ZMYND11: variants seen among roughly 807,000 people sequenced by gnomAD.
The protein encoded by ZMYND11 is zinc finger MYND domain-containing protein 11.
ZMYND11 carries 9 observed loss-of-function variants against 84.9 expected under a neutral mutation model. The observed-to-expected ratio is 0.11, with a 90% CI of 0.06 to 0.18. The LOEUF (loss-of-function observed/expected upper bound fraction) is 0.18, where lower values mean the gene tolerates loss of function less well. ZMYND11 is among the 10% of genes least tolerant of loss of function. ZMYND11 has a pLI of 1.00. For synonymous variants in ZMYND11, 250 were observed against 244.1 expected (o/e 1.02, Z -0.23); for missense variants, 409 against 761.0 (o/e 0.54, Z 5.44).
chr10:210,676 TTC>T (rs1234109143), intron 3 of ZMYND11, among the ~76,000 whole-genome samples: 6 of 152,230 alleles, frequency 3.9e-5, no homozygotes, highest in Non-Finnish European at 7.3e-5. Context: ...TTTAATCTGC[TTC>T]TCTTTCCTTT....
intron 1 of ZMYND11, among the ~76,000 whole-genome samples, chr10:144,015 A>AAC (rs1838098918): frequency 1.3e-5 from 2 of 151,734 alleles, no homozygotes; most frequent in Non-Finnish European, 1.5e-5. Context: ...ATTAAAAAAA[A>AAC]AAAAAACTGC....
rs76706904 is a variant in ZMYND11 at position 176,071 on chromosome 10, T to G, written c.-19-3923T>G. Among the ~76,000 whole-genome samples the G allele has an allele frequency of 5.8e-4, 89 of 152,336 alleles. 2 individuals are homozygous for G. The East Asian group carries it at 0.017, about 28-fold the overall frequency. ...CACCAAGCAACTTCTTGTTTAATTT[T>G]GCTTATTCTTAAGTTTTTTTCTGAC... On this transcript the variant is annotated intron_variant, in intron 1 of 14. Transcript: ENST00000381604.
At chr10:144,103 T>C (rs1181485478) in intron 1 of ZMYND11, among the ~76,000 whole-genome samples, 1 of 152,260 alleles carries the variant, frequency 6.6e-6, no homozygotes, top group Non-Finnish European at 1.5e-5. Context: ...TTAGTTATTT[T>C]CAAATGAATT....
chr10:247,448 T>C lies in ZMYND11; in HGVS notation c.1209T>C (p.Ser403=). 1 of 1,614,084 alleles carries C rather than the reference T, an allele frequency of 6.2e-7. No individual in the cohort carries two copies. The highest frequency in any genetic ancestry group is 8.5e-7 in the Non-Finnish European group (1 of 1,179,982). Residue 403 remains serine (S), a synonymous_variant, in exon 12 of 15, where the codon AGT becomes AGC. Transcript: ENST00000381604. ...CAAAGAAAGGACGACGTAATCAAAG[T>C]GTGGAGCCCAAAAAGGAAGTAAGTT... ...PRAKKGRRNQ[S]VEPKKEEPEP... is the part of the protein sequence containing the mutation.
At chr10:235,117 G>A (rs975921210) in intron 4 of ZMYND11, among the ~76,000 whole-genome samples, 8 of 152,006 alleles carry the variant, frequency 5.3e-5, no homozygotes, top group African/African-American at 1.7e-4. Flanking sequence ...ACATCACATT[G>A]TACACCATTA....
At chr10:138,666 G>A (rs1260790259) in intron 1 of ZMYND11, among the ~76,000 whole-genome samples, 5 of 151,548 alleles carry the variant, frequency 3.3e-5, no homozygotes, top group African/African-American at 1.2e-4. Flanking sequence ...TAACCCTCTG[G>A]TATCAGATTT....
chr10:249,503 TTTATACATTAGATTTTG>T, intron 14 of ZMYND11: 1 of 984,830 alleles, frequency 1.0e-6, no homozygotes, highest in Non-Finnish European at 1.2e-6. Flanking sequence ...GCACTTAACA[TTTATACATTAGATTTTG>T]TTAAAGAAAT....
intron 1 of ZMYND11, among the ~76,000 whole-genome samples, chr10:162,173 G>A (rs2131508901): frequency 6.6e-6 from 1 of 152,258 alleles, no homozygotes; most frequent in South Asian, 2.1e-4. Flanking sequence ...GAGATAGATG[G>A]GAGAATGAGC....
chr10:217,486 G>A (rs933840474), intron 3 of ZMYND11, among the ~76,000 whole-genome samples: 2 of 149,908 alleles, frequency 1.3e-5, no homozygotes, highest in Non-Finnish European at 2.9e-5. Flanking sequence ...TTTCGCCGTT[G>A]CACTCCAGCC....
chr10:250,200 T>C (rs1953116514), intron 14 of ZMYND11, among the ~76,000 whole-genome samples: 1 of 152,254 alleles, frequency 6.6e-6, no homozygotes. Context: ...GCCAACATTT[T>C]GTGTTCCAGG....
rs967168570 is a variant in ZMYND11, at chr10:253,685, G to T, written c.*1215G>T. ...TTTAAAATATCTCACAATTTATGTG[G>T]TATTTTTAAAGACTGATCTTAGACC... On this transcript the variant is annotated 3_prime_UTR_variant, in exon 15 of 15. Coordinates refer to ENST00000381604, the MANE Select transcript of ZMYND11 (RefSeq NM_001370100.5). 6.6e-6 allele frequency: 1 copy of T among 152,522 alleles called. No homozygotes were observed. Among genetic ancestry groups the T allele is most frequent in the Admixed American group, 6.5e-5 (1 of 15,268 alleles). 9.4% of individuals were successfully genotyped at this position (152,522 alleles called of 1,614,324 possible).
At chr10:246,258 A>G (rs564809911) in intron 10 of ZMYND11, among the ~76,000 whole-genome samples, 1 of 152,336 alleles carries the variant, frequency 6.6e-6, no homozygotes, top group Non-Finnish European at 1.5e-5. Flanking sequence ...ACTGGATAAT[A>G]TTTTTAGATC....
chr10:135,265 G>A (rs1210043398), upstream of ZMYND11: 1 of 151,242 alleles, frequency 6.6e-6, no homozygotes, highest in Admixed American at 6.6e-5. The surrounding 1 kb of genome is among the most constrained non-coding windows in gnomAD (Gnocchi z 5.6). Context: ...CGGCCGCCTA[G>A]CCTCCCTCGC....
chr10:155,500 CAAT>C (rs1483794213), intron 1 of ZMYND11, among the ~76,000 whole-genome samples: 3 of 152,004 alleles, frequency 2.0e-5, no homozygotes, highest in Admixed American at 6.6e-5. Flanking sequence ...ACAGCAACAA[CAAT>C]GAGAAACAAA....
At chr10:145,156 A>G (rs577802662) in intron 1 of ZMYND11, among the ~76,000 whole-genome samples, 12 of 150,754 alleles carry the variant, frequency 8.0e-5, no homozygotes, top group Admixed American at 3.3e-4. Flanking sequence ...GTATATATAT[A>G]TGTGTGTGTA....
At chr10:226,173 C>T (rs886865263) in intron 4 of ZMYND11, among the ~76,000 whole-genome samples, 1 of 152,174 alleles carries the variant, frequency 6.6e-6, no homozygotes, top group African/African-American at 2.4e-5. Context: ...GCCAGAGTTA[C>T]GACTTGGAGA....
intron 14 of ZMYND11, chr10:249,498 TAACA>T: frequency 1.0e-6 from 1 of 984,798 alleles, no homozygotes; most frequent in East Asian, 1.1e-4. Flanking sequence ...TCCCTGCACT[TAACA>T]TTTATACATT....
At chr10:134,464 T>G (rs1413770428), upstream of ZMYND11, 1 of 152,264 alleles carries the variant, frequency 6.6e-6, no homozygotes, top group Non-Finnish European at 1.5e-5. Context: ...GAAGATAACC[T>G]ACTTCTCGCG....
chr10:134,248 C>T (rs1835428398), upstream of ZMYND11, among the ~76,000 whole-genome samples: 1 of 152,162 alleles, frequency 6.6e-6, no homozygotes, highest in Non-Finnish European at 1.5e-5. Context: ...TATGAGAATG[C>T]GGTCTCCCTG....
Sources: allele counts gnomAD v4.1 joint callset (sites outside exome capture counted in the v4.1 genomes callset), GRCh38; gene constraint gnomAD v4.1.1; non-coding constraint Gnocchi (gnomAD v3.1); transcripts MANE v1.5; gene names NCBI Gene and HGNC (gene_info 2026-07-23, HGNC 2026-07-21).